Variants in RAB11FIP1 observed in about 807,000 individuals in gnomAD.
RAB11FIP1 encodes RAB11 family interacting protein 1, also known as rab11 family-interacting protein 1.
RAB11FIP1 carries 49 observed loss-of-function variants against 83.1 expected under a neutral mutation model. That is an observed-to-expected ratio of 0.59 (90% confidence interval 0.47 to 0.75). The LOEUF (loss-of-function observed/expected upper bound fraction) is 0.75. Ranked by LOEUF, RAB11FIP1 falls within the 30% of genes least tolerant of loss-of-function variation. The pLI is 0.00. For missense variants in RAB11FIP1, 1,536 were observed against 1,598.7 expected (o/e 0.96, Z 0.67); for synonymous variants, 670 against 656.0 (o/e 1.02, Z -0.33).
intron 4 of RAB11FIP1, 187 bp downstream of exon 4, chr8:37,871,091 G>A (rs915772697): frequency 1.5e-6 from 1 of 676,662 alleles, no homozygotes; most frequent in South Asian, 2.1e-5. Context: ...CTACTATTAT[G>A]TTCTTGCTAT....
chr8:37,879,922 AT>A (rs1806700729), intron 1 of RAB11FIP1, among the ~76,000 whole-genome samples: 1 of 152,108 alleles, frequency 6.6e-6, no homozygotes, highest in Admixed American at 6.6e-5. Flanking sequence ...TGTTACATAT[AT>A]TTTACCACAA....
intron 5 of RAB11FIP1, 42 bp from the exon 6 acceptor site, chr8:37,863,155 A>C: frequency 6.6e-7 from 1 of 1,519,264 alleles, no homozygotes; most frequent in Non-Finnish European, 9.1e-7. Flanking sequence ...GAGTTATAAA[A>C]TTAGCACAGA....
At chr8:37,881,723 G>T (rs537245052) in intron 1 of RAB11FIP1, among the ~76,000 whole-genome samples, 8 of 152,074 alleles carry the variant, frequency 5.3e-5, no homozygotes, top group East Asian at 3.9e-4. Context: ...TTGCAACAGG[G>T]TCTCACTCTC....
intron 1 of RAB11FIP1, among the ~76,000 whole-genome samples, chr8:37,890,229 A>C (rs1806919029): frequency 6.6e-6 from 1 of 152,234 alleles, no homozygotes; most frequent in Admixed American, 6.5e-5. Flanking sequence ...ACTGTATTTC[A>C]CACAGGATGC....
chr8:37,866,509 GACAT>G (rs922321400), intron 5 of RAB11FIP1, among the ~76,000 whole-genome samples: 5 of 151,936 alleles, frequency 3.3e-5, no homozygotes, highest in Non-Finnish European at 5.9e-5. Context: ...TTGTGATAAT[GACAT>G]ACACTCAAAT....
Position 37,871,423 on chromosome 8 carries a change from G to A in RAB11FIP1, c.3379C>T (p.Gln1127Ter), listed in dbSNP as rs1319289498. The A allele has an allele frequency of 2.5e-6, 4 of 1,613,220 alleles. No individual in the cohort carries two copies. The highest frequency in any genetic ancestry group is 3.4e-6 in the Non-Finnish European group (4 of 1,179,730). ...GAGCCCTCTGCTGTGGCTTTTTTTTGAGATTCTGCTGTGCTGGTGTGGTGA... is the reference window on the plus strand; with the variant it reads ...GAGCCCTCTGCTGTGGCTTTTTTTTAAGATTCTGCTGTGCTGGTGTGGTGA... ...DTHHTSTAES[Q>*]KKATAEGSAG... The change falls in exon 4 of 6, where the codon CAA (glutamine) becomes TAA (stop). Residue 1127 changes from glutamine (Q) to a stop codon, truncating the protein, a stop_gained. Coordinates refer to ENST00000330843, the MANE Select transcript of RAB11FIP1 (RefSeq NM_001002814.3). LOFTEE classifies it high-confidence loss of function.
At chr8:37,888,468 T>C (rs529851754) in intron 1 of RAB11FIP1, among the ~76,000 whole-genome samples, 14 of 151,854 alleles carry the variant, frequency 9.2e-5, no homozygotes, top group African/African-American at 2.9e-4. Flanking sequence ...GTGTACTTTC[T>C]TTAAAAAAAA....
chr8:37,867,550 C>CAAA (rs770750760), intron 5 of RAB11FIP1, among the ~76,000 whole-genome samples: 1 of 151,902 alleles, frequency 6.6e-6, no homozygotes, highest in Non-Finnish European at 1.5e-5. Flanking sequence ...ATTAAAAATA[C>CAAA]AAAAAAATTA....
chr8:37,885,796 G>C (rs993286836), intron 1 of RAB11FIP1, among the ~76,000 whole-genome samples: 4 of 152,162 alleles, frequency 2.6e-5, no homozygotes, highest in East Asian at 1.9e-4. Flanking sequence ...AGTCCTTCTG[G>C]AACAGCTAAG....
intron 1 of RAB11FIP1, among the ~76,000 whole-genome samples, chr8:37,896,462 G>A (rs1020416801): frequency 6.6e-6 from 1 of 152,052 alleles, no homozygotes; most frequent in African/African-American, 2.4e-5. Context: ...CCATAGAGAT[G>A]CAAAGAAGCC....
At chr8:37,894,612 T>C (rs762680477) in intron 1 of RAB11FIP1, among the ~76,000 whole-genome samples, 22 of 151,832 alleles carry the variant, frequency 1.4e-4, no homozygotes, top group Non-Finnish European at 2.9e-4. Context: ...ATATTTGTTT[T>C]AATCTATACT....
chr8:37,869,799 T>G (rs1455350268), intron 5 of RAB11FIP1, among the ~76,000 whole-genome samples: 1 of 152,104 alleles, frequency 6.6e-6, no homozygotes, highest in African/African-American at 2.4e-5. Context: ...GATGGGCAAA[T>G]GTGGTCAAAT....
intron 4 of RAB11FIP1, chr8:37,871,026 A>C: frequency 2.2e-6 from 1 of 456,680 alleles, no homozygotes; most frequent in Non-Finnish European, 3.9e-6. Context: ...CGTTTCTGCA[A>C]TGTGCGAGCT....
rs761972253 is a variant in RAB11FIP1 at position 37,871,899 on chromosome 8, T to C, written c.2903A>G (p.Asp968Gly). 1.2e-6 allele frequency: 2 copies of C among 1,614,054 alleles called. No homozygotes were observed. The highest frequency in any genetic ancestry group is 1.3e-5 in the African/African-American group (1 of 74,914). Residue 968 changes from aspartate (D) to glycine (G), a missense_variant, in exon 4 of 6, where the codon GAT becomes GGT. By Grantham distance (94) the Asp-to-Gly change is moderately conservative (BLOSUM62 -1). Transcript: ENST00000330843. ...TTCAACCTGATCTATTCTTTCATCA[T>C]CCGATGCGACTTCAGGAATGGAAGG... ...SLPSIPEVAS[D>G]DERIDQVEDD... is the part of the protein sequence containing the mutation.
chr8:37,863,123 G>C lies in RAB11FIP1; in HGVS notation c.3634-10C>G, dbSNP rs751687395. The C allele has an allele frequency of 5.0e-6, 8 of 1,602,458 alleles. No individual in the cohort carries two copies. In the African/African-American group the frequency reaches 6.7e-5, roughly 13 times the overall value. On this transcript the variant is annotated splice_polypyrimidine_tract_variant and intron_variant, in intron 5 of 5. Coordinates refer to ENST00000330843, the MANE Select transcript of RAB11FIP1 (RefSeq NM_001002814.3). ...CCGAGGGGCTGTATTTCTTTGGAGG[G>C]GGGGAAATAGTTGGGAAAAAGGAGT...
At chr8:37,898,737 G>T (rs1383204595) in intron 1 of RAB11FIP1, among the ~76,000 whole-genome samples, 1 of 149,934 alleles carries the variant, frequency 6.7e-6, no homozygotes, top group Non-Finnish European at 1.5e-5. Flanking sequence ...GGAGAATCAC[G>T]TGAACCTGCG....
At chr8:37,873,490 C>G (rs1343192491) in intron 3 of RAB11FIP1, among the ~76,000 whole-genome samples, 2 of 151,980 alleles carry the variant, frequency 1.3e-5, no homozygotes, top group African/African-American at 2.4e-5. Context: ...CCTGTAGTCC[C>G]AGCTACTCGG....
At chr8:37,882,732 C>T (rs959130157) in intron 1 of RAB11FIP1, among the ~76,000 whole-genome samples, 2 of 152,194 alleles carry the variant, frequency 1.3e-5, no homozygotes, top group Non-Finnish European at 2.9e-5. Flanking sequence ...GACCCCTTTC[C>T]TGTAACATAG....
intron 1 of RAB11FIP1, among the ~76,000 whole-genome samples, chr8:37,895,057 C>CAT (rs900311296): frequency 7.6e-5 from 11 of 144,280 alleles, no homozygotes; most frequent in South Asian, 4.4e-4. Flanking sequence ...TACGCCCAGC[C>CAT]ATATATATAT....
Sources: gnomAD v4.1 joint callset for allele counts (sites outside exome capture counted in the v4.1 genomes callset) on GRCh38, gnomAD v4.1.1 for gene constraint, MANE v1.5 for transcripts, NCBI Gene and HGNC (gene_info 2026-07-23, HGNC 2026-07-21) for gene names.